C2: variants seen among roughly 807,000 people sequenced by gnomAD.
C2 encodes the protein C3/C5 convertase.
Under a neutral mutation model 85.2 loss-of-function variants are expected in C2, and 64 were observed. That is an observed-to-expected ratio of 0.75 (90% CI 0.61 to 0.92). C2 has a LOEUF of 0.92. Ranked by LOEUF, C2 falls within the 40% of genes least tolerant of loss-of-function variation. The probability of loss-of-function intolerance (pLI) is 0.00; values close to 1 mark genes in which losing one functional copy is unlikely to be tolerated. For synonymous variants in C2, 311 were observed against 370.8 expected, an observed-to-expected ratio of 0.84 and a Z score of 1.85; for missense variants, 820 against 971.6, an observed-to-expected ratio of 0.84 and a Z score of 2.07.
At position 31,943,851 on chromosome 6, in the gene C2, G is replaced by C. The variant is rs1771109218; in HGVS notation, c.1733+42G>C. The C allele has an allele frequency of 6.2e-7, 1 of 1,612,182 alleles. No homozygotes were observed. Among genetic ancestry groups the C allele is most frequent in the African/African-American group, 1.3e-5 (1 of 74,894 alleles). On this transcript the variant is annotated intron_variant, in intron 13 of 17. Coordinates refer to ENST00000299367, the MANE Select transcript of C2 (RefSeq NM_000063.6). The surrounding 1 kb of genome is among the most constrained non-coding windows in gnomAD (Gnocchi z 6.4). ...ATGGGAGGGTGCCCTGCAGGGAAGA[G>C]TGCTCTGGAGATCCCTGGAAGAGAT...
At chr6:31,911,448 T>G (rs1482376941) in intron 1 of C2, among the ~76,000 whole-genome samples, 1 of 152,104 alleles carries the variant, frequency 6.6e-6, no homozygotes, top group Non-Finnish European at 1.5e-5. Flanking sequence ...TGGGGAAAGT[T>G]TTAGATAGCA....
Position 31,933,791 on chromosome 6 carries a change from G to C in C2, c.616+8G>C. ...CGGAGCCCATCTGCCGCCGTGAGTA[G>C]CTGCCCTGCCCTCCTGAGATTCCTC... On this transcript the variant is annotated splice_region_variant and intron_variant, in intron 4 of 17. Coordinates refer to ENST00000299367, the MANE Select transcript of C2 (RefSeq NM_000063.6). The C allele has an allele frequency of 1.2e-6, 2 of 1,613,804 alleles. No individual in the cohort carries two copies. Among genetic ancestry groups the C allele is most frequent in the Non-Finnish European group, 1.7e-6 (2 of 1,180,032 alleles).
upstream of C2, chr6:31,927,380 G>A (rs1330711000): frequency 3.4e-6 from 2 of 586,288 alleles, no homozygotes; most frequent in Non-Finnish European, 5.1e-6. This position sits in a 1 kb window ranked among gnomAD's most constrained non-coding sequence, Gnocchi z 4.7. Flanking sequence ...TCACACAAGA[G>A]CAAGGTGCAT....
Position 31,928,083 on chromosome 6 carries a change from C to T in C2, c.175C>T (p.Pro59Ser). The change falls in exon 2 of 18, where the codon CCA (proline) becomes TCA (serine). Residue 59 changes from proline (P) to serine (S), a missense_variant. Coordinates refer to ENST00000299367, the MANE Select transcript of C2 (RefSeq NM_000063.6). ...CTGCCCCCAGGGCCTGTACCCATCCCCAGCATCACGGCTGTGCAAGAGCAG... is the reference window on the plus strand; with the variant it reads ...CTGCCCCCAGGGCCTGTACCCATCCTCAGCATCACGGCTGTGCAAGAGCAG... Reference protein sequence around the residue: ...YSCPQGLYPSPASRLCKSSGQ... With the variant: ...YSCPQGLYPSSASRLCKSSGQ... 1 of 1,614,162 alleles carries T rather than the reference C, an allele frequency of 6.2e-7. No homozygotes were observed. The highest frequency in any genetic ancestry group is 2.2e-5 in the East Asian group (1 of 44,876).
intron 1 of C2, among the ~76,000 whole-genome samples, chr6:31,902,427 G>A (rs1003195376): frequency 9.9e-5 from 15 of 152,056 alleles, no homozygotes; most frequent in Non-Finnish European, 1.9e-4. Flanking sequence ...CGTTCTCTCG[G>A]CTGCGGGCGC....
At chr6:31,942,820 C>G in intron 9 of C2, 139 bp from the exon 10 acceptor site, 1 of 965,298 alleles carries the variant, frequency 1.0e-6, no homozygotes, top group Non-Finnish European at 1.6e-6. Flanking sequence ...TGAAGGCAGA[C>G]AGGTAGCAGT....
chr6:31,937,201 T>G, intron 7 of C2, 118 bp from the exon 8 acceptor site: 2 of 994,744 alleles, frequency 2.0e-6, no homozygotes, highest in Non-Finnish European at 3.0e-6. Context: ...AGAGCGAGAC[T>G]CTCTCAAAAA....
At chr6:31,910,065 G>C (rs1767991212) in intron 1 of C2, among the ~76,000 whole-genome samples, 1 of 150,796 alleles carries the variant, frequency 6.6e-6, no homozygotes, top group Non-Finnish European at 1.5e-5. Context: ...ATTTATAGTA[G>C]AGATGGGGTT....
In C2 at chr6:31,942,993, G is replaced by A. The variant is rs1366142345; in HGVS notation, c.1254G>A (p.Val418=). 2 of 1,613,048 alleles carry A rather than the reference G, an allele frequency of 1.2e-6. No individual in the cohort carries two copies. The highest frequency in any genetic ancestry group is 1.1e-5 in the South Asian group (1 of 91,086). Reference sequence around the variant, plus strand: ...CCATCGGGGTGGGCAAGCTGGATGTGGACTGGAGAGAACTGAATGAGCTAG... The same window carrying A: ...CCATCGGGGTGGGCAAGCTGGATGTAGACTGGAGAGAACTGAATGAGCTAG... ...IYAIGVGKLD[V]DWRELNELGS... Residue 418 remains valine, a synonymous_variant, in exon 10 of 18, where the codon GTG becomes GTA. Coordinates refer to ENST00000299367, the MANE Select transcript of C2 (RefSeq NM_000063.6).
intron 1 of C2, among the ~76,000 whole-genome samples, chr6:31,909,250 A>C (rs144467461): frequency 1.8e-4 from 27 of 151,996 alleles, no homozygotes; most frequent in African/African-American, 5.8e-4. Flanking sequence ...TATACCTAGG[A>C]GTGGAACTGT....
chr6:31,908,666 G>C lies in C2; in HGVS notation c.73+7527G>C, dbSNP rs561966811. On this transcript the variant is annotated intron_variant, in intron 1 of 3. Transcript: ENST00000452202. The stretch of plus-strand genomic sequence containing the variant: ...GACTTCATCTCAAAAAAAAAAAAAA[G>C]AAAAAAAGAAATTGTCAAAGCCATC... 1.4e-3 allele frequency among the ~76,000 whole-genome samples: 206 copies of C among 147,532 alleles called. 3 individuals are homozygous for C. The highest frequency in any genetic ancestry group is 4.9e-3 in the African/African-American group (198 of 40,212).
chr6:31,916,249 G>A (rs971113921), upstream of C2, among the ~76,000 whole-genome samples: 10 of 152,108 alleles, frequency 6.6e-5, no homozygotes, highest in Non-Finnish European at 1.3e-4. Context: ...TCCTGAAGGA[G>A]GAAAGGCCAG....
At chr6:31,925,960 C>A (rs1307182917), upstream of C2, among the ~76,000 whole-genome samples, 1 of 152,176 alleles carries the variant, frequency 6.6e-6, no homozygotes, top group Admixed American at 6.5e-5. Flanking sequence ...CAGCATGTTG[C>A]CCTCATCCTC....
intron 1 of C2, among the ~76,000 whole-genome samples, chr6:31,908,146 ATTTT>A (rs982568692): frequency 8.3e-6 from 1 of 120,680 alleles, no homozygotes; most frequent in Non-Finnish European, 1.7e-5. Context: ...GCACCCGGCC[ATTTT>A]TTTTTTTTTT....
chr6:31,941,296 C>T (rs1032150073), intron 9 of C2: 14 of 152,308 alleles, frequency 9.2e-5, no homozygotes, highest in African/African-American at 3.4e-4. Flanking sequence ...CCTCAGAAGG[C>T]TCTTGGGAAG....
At chr6:31,919,635 T>C (rs544871378), upstream of C2, among the ~76,000 whole-genome samples, 1 of 152,352 alleles carries the variant, frequency 6.6e-6, no homozygotes, top group African/African-American at 2.4e-5. Flanking sequence ...CATATGTGGC[T>C]ACTATCCTCT....
chr6:31,928,569 G>A (rs1382427312), intron 2 of C2, among the ~76,000 whole-genome samples, 163 bp from the exon 3 acceptor site: 1 of 152,144 alleles, frequency 6.6e-6, no homozygotes, highest in Non-Finnish European at 1.5e-5. Flanking sequence ...TATTCAATCA[G>A]TTGCCAAAAA....
rs771797450 is a variant in C2 at position 31,945,351 on chromosome 6, C to T, written c.2253C>T (p.Pro751=). 93 of 1,612,786 alleles carry T rather than the reference C, an allele frequency of 5.8e-5. No homozygotes were observed. Among genetic ancestry groups the T allele is most frequent in the Admixed American group, 2.2e-4 (13 of 59,992 alleles). The change falls in exon 18 of 18, where the codon CCC becomes CCT. Residue 751 remains proline (P), a synonymous_variant. Coordinates refer to ENST00000299367, the MANE Select transcript of C2 (RefSeq NM_000063.6). The surrounding 1 kb of genome is among the most constrained non-coding windows in gnomAD (Gnocchi z 5.3). ...TGGGGGATGTCCTGAATTTTTTACC[C>T]CTCTAGCCATGGCCACTGAGCCCTC... ...QHLGDVLNFL[P]L
At chr6:31,932,079 C>T (rs1450272125) in intron 3 of C2, among the ~76,000 whole-genome samples, 6 of 125,578 alleles carry the variant, frequency 4.8e-5, no homozygotes, top group African/African-American at 6.4e-5. Flanking sequence ...GCAGAGGCGC[C>T]CCTCACTTCC....
Sources: allele counts gnomAD v4.1 joint callset (sites outside exome capture counted in the v4.1 genomes callset), GRCh38; gene constraint gnomAD v4.1.1; non-coding constraint Gnocchi (gnomAD v3.1); transcripts MANE v1.5; gene names NCBI Gene and HGNC (gene_info 2026-07-23, HGNC 2026-07-21).